The following FREM2 variants were observed in gnomAD, a reference collection of about 807,000 sequenced individuals.
The protein encoded by FREM2 is FRAS1-related extracellular matrix protein 2.
FREM2 carries 119 observed loss-of-function variants against 219.9 expected under a neutral mutation model. That is an observed-to-expected ratio of 0.54 (90% CI 0.47 to 0.63). FREM2 has a LOEUF of 0.63. FREM2 is among the 30% of genes least tolerant of loss of function. FREM2 has a pLI of 0.00. For missense variants in FREM2, 4,030 were observed against 3,993.6 expected, an observed-to-expected ratio of 1.01 and a Z score of -0.25; for synonymous variants, 1,562 against 1,522.8, an observed-to-expected ratio of 1.03 and a Z score of -0.60.
At chr13:38,695,916 A>G (rs1870090392) in intron 1 of FREM2, among the ~76,000 whole-genome samples, 1 of 151,734 alleles carries the variant, frequency 6.6e-6, no homozygotes, top group African/African-American at 2.4e-5. Flanking sequence ...TTAAGATAGG[A>G]AAAAAAAATC....
intron 6 of FREM2, among the ~76,000 whole-genome samples, chr13:38,798,309 A>G (rs574172119): frequency 6.6e-6 from 1 of 151,830 alleles, no homozygotes; most frequent in African/African-American, 2.4e-5. Flanking sequence ...CATCCTTGCA[A>G]CCCTGTTTTA....
At chr13:38,800,970 G>T (rs769982119) in intron 6 of FREM2, among the ~76,000 whole-genome samples, 5 of 152,124 alleles carry the variant, frequency 3.3e-5, no homozygotes, top group African/African-American at 7.2e-5. Context: ...CTCTTTTCCT[G>T]CAGAGACAGC....
Position 38,689,472 on chromosome 13 carries a change from C to T in FREM2, c.2128C>T (p.Arg710Cys), listed in dbSNP as rs41292753. 5,431 of 1,614,018 alleles carry T rather than the reference C, an allele frequency of 3.4e-3. 14 individuals carry two copies. The highest frequency in any genetic ancestry group is 4.1e-3 in the Non-Finnish European group (4,891 of 1,179,966). The change falls in exon 1 of 24, where the codon CGT becomes TGT. Residue 710 changes from arginine to cysteine, a missense_variant. By Grantham distance (180) the Arg-to-Cys change is radical. Coordinates refer to ENST00000280481, the MANE Select transcript of FREM2 (RefSeq NM_207361.6). ...GGAGCTGGGCAGTGGCTGTCCCCTTCGTATGGTGGTACAGGAATCCCAGCT... is the reference window on the plus strand; with the variant it reads ...GGAGCTGGGCAGTGGCTGTCCCCTTTGTATGGTGGTACAGGAATCCCAGCT... ...PPELGSGCPL[R>C]MVVQESQLTP...
At chr13:38,804,970 A>G (rs1031916344) in intron 6 of FREM2, among the ~76,000 whole-genome samples, 1 of 152,062 alleles carries the variant, frequency 6.6e-6, no homozygotes, top group African/African-American at 2.4e-5. Context: ...TCTCTAGCCA[A>G]TTTTCCTCAT....
chr13:38,876,298 C>G lies in FREM2; in HGVS notation c.8460C>G (p.Ala2820=), dbSNP rs138775857. Residue 2820 remains alanine (A), a synonymous_variant, in exon 20 of 24, where the codon GCC becomes GCG. Coordinates refer to ENST00000280481, the MANE Select transcript of FREM2 (RefSeq NM_207361.6). ...TYTVKLVPCT[A]PSHQEYRLPV... is the part of the protein sequence containing the mutation. Reference sequence around the variant, plus strand: ...CTGTGAAGCTGGTGCCATGCACTGCCCCATCACATCAGGAATACCGCCTGC... The same window carrying G: ...CTGTGAAGCTGGTGCCATGCACTGCGCCATCACATCAGGAATACCGCCTGC... 4.1e-3 allele frequency: 6,661 copies of G among 1,613,902 alleles called. 23 individuals carry two copies. Among genetic ancestry groups the G allele is most frequent in the Non-Finnish European group, 5.2e-3 (6,178 of 1,179,860 alleles).
At chr13:38,812,115 C>G (rs1472803528) in intron 6 of FREM2, among the ~76,000 whole-genome samples, 1 of 152,110 alleles carries the variant, frequency 6.6e-6, no homozygotes, top group East Asian at 1.9e-4. Context: ...TATAGCTACT[C>G]CTGCTCTTTT....
rs372740920 is a variant in FREM2 at position 38,688,922 on chromosome 13, C to T, written c.1578C>T (p.Gly526=). The T allele has an allele frequency of 6.2e-6, 10 of 1,612,554 alleles. No individual in the cohort carries two copies. In the East Asian group the frequency reaches 1.3e-4, roughly 22 times the overall value. ...QVVYQHDDRD[G]SLSDNLVLRM... The stretch of plus-strand genomic sequence containing the variant: ...TCTACCAGCATGATGACAGAGACGG[C>T]TCGCTGAGCGACAACCTGGTGCTTC... The change falls in exon 1 of 24, where the codon GGC becomes GGT. Residue 526 remains glycine, a synonymous_variant. Coordinates refer to ENST00000280481, the MANE Select transcript of FREM2 (RefSeq NM_207361.6).
intron 6 of FREM2, among the ~76,000 whole-genome samples, chr13:38,797,408 A>C (rs1874835450): frequency 6.6e-6 from 1 of 152,074 alleles, no homozygotes; most frequent in African/African-American, 2.4e-5. Flanking sequence ...TTTTTTGAGA[A>C]ATGTCTATCA....
At chr13:38,716,441 A>G (rs932375468) in intron 2 of FREM2, among the ~76,000 whole-genome samples, 3 of 151,964 alleles carry the variant, frequency 2.0e-5, no homozygotes, top group African/African-American at 7.3e-5. Flanking sequence ...ACCTTCTCCT[A>G]TATCTTTCTT....
At chr13:38,750,379 T>C (rs1872693363) in intron 2 of FREM2, among the ~76,000 whole-genome samples, 1 of 152,230 alleles carries the variant, frequency 6.6e-6, no homozygotes, top group African/African-American at 2.4e-5. Flanking sequence ...CCATGTGTTT[T>C]GTGTTTTTCT....
chr13:38,696,317 T>C (rs867186761), intron 1 of FREM2, among the ~76,000 whole-genome samples: 21 of 152,352 alleles, frequency 1.4e-4, no homozygotes, highest in Admixed American at 7.8e-4. Flanking sequence ...CCACACATTT[T>C]ACATCTGTAA....
In FREM2 at chr13:38,853,790, A is replaced by G. The variant is rs76413884; in HGVS notation, c.6925+1922A>G. Among the ~76,000 whole-genome samples the G allele has an allele frequency of 4.9e-3, 751 of 152,344 alleles. 32 individuals are homozygous for G. The East Asian group carries it at 0.11, about 22-fold the overall frequency. On this transcript the variant is annotated intron_variant, in intron 11 of 23. Transcript: ENST00000280481. ...AACAAAACTGATTAGCTACTGAATT[A>G]TAAAATATTAAATGTCTTTCTATAA...
chr13:38,788,661 C>T lies in FREM2; in HGVS notation c.6019+3853C>T, dbSNP rs924422997. On this transcript the variant is annotated intron_variant, in intron 6 of 23. Transcript: ENST00000280481. ...TTGTCTTTTCTTTGATAATTCTCAA[C>T]GTCATTTTACATATTTATTTTGTCA... 5.3e-5 allele frequency among the ~76,000 whole-genome samples: 8 copies of T among 152,172 alleles called. No individual in the cohort carries two copies. The East Asian group carries it at 9.6e-4, about 18-fold the overall frequency.
chr13:38,755,986 A>G (rs1872982320), intron 2 of FREM2, among the ~76,000 whole-genome samples: 1 of 152,204 alleles, frequency 6.6e-6, no homozygotes, highest in African/African-American at 2.4e-5. Context: ...TGTCATGGCC[A>G]GGGACAGATG....
At chr13:38,755,723 C>T (rs532228355) in intron 2 of FREM2, among the ~76,000 whole-genome samples, 1 of 152,326 alleles carries the variant, frequency 6.6e-6, no homozygotes, top group African/African-American at 2.4e-5. Flanking sequence ...CAGTTTCCCA[C>T]CTAAGCACAG....
intron 4 of FREM2, chr13:38,779,374 T>C (rs1295824364): frequency 6.6e-6 from 1 of 151,116 alleles, no homozygotes; most frequent in Non-Finnish European, 1.5e-5. Context: ...TGCACTTGTA[T>C]CCCAGAACTT....
chr13:38,788,438 G>C (rs934584534), intron 6 of FREM2, among the ~76,000 whole-genome samples: 4 of 152,100 alleles, frequency 2.6e-5, no homozygotes, highest in South Asian at 4.1e-4. Flanking sequence ...TTTTGGTTGA[G>C]TCTTTCAGAG....
intron 6 of FREM2, among the ~76,000 whole-genome samples, chr13:38,788,797 A>G (rs1874435929): frequency 6.6e-6 from 1 of 152,142 alleles, no homozygotes. Context: ...AATAATGTAT[A>G]CTATAAGATT....
At position 38,854,230 on chromosome 13, in the gene FREM2, G is replaced by A. The variant is rs74048365; in HGVS notation, c.6926-1896G>A. Among the ~76,000 whole-genome samples, 649 of 151,578 alleles carry A rather than the reference G, an allele frequency of 4.3e-3. 8 individuals are homozygous for A. Among genetic ancestry groups the A allele is most frequent in the African/African-American group, 0.014 (595 of 41,428 alleles). On this transcript the variant is annotated intron_variant, in intron 11 of 23. Coordinates refer to ENST00000280481, the MANE Select transcript of FREM2 (RefSeq NM_207361.6). ...ATGTGAATGAGAAAACTTGACCACC[G>A]TCCAGCAAGTATACTATCAGAAAAC...
Sources: allele counts gnomAD v4.1 joint callset (sites outside exome capture counted in the v4.1 genomes callset), GRCh38; gene constraint gnomAD v4.1.1; transcripts MANE v1.5; gene names NCBI Gene and HGNC (gene_info 2026-07-23, HGNC 2026-07-21).